Variants in STARD13 observed in about 807,000 individuals in gnomAD.
STARD13 encodes the protein stAR-related lipid transfer protein 13.
In STARD13, 62 loss-of-function variants were observed where a neutral mutation model predicts 106.4. The ratio of observed to expected loss-of-function variants is 0.58; its 90% CI spans 0.48 to 0.72. STARD13 has a LOEUF of 0.72. STARD13 is among the 30% of genes least tolerant of loss of function. STARD13 has a pLI of 0.00. For missense variants in STARD13, 1,387 were observed against 1,424.0 expected, an observed-to-expected ratio of 0.97 and a Z score of 0.42; for synonymous variants, 565 against 553.0, an observed-to-expected ratio of 1.02 and a Z score of -0.31.
chr13:33,548,276 T>C, the STARD13 span, among the ~76,000 whole-genome samples: 1 of 152,192 alleles, frequency 6.6e-6, no homozygotes, highest in African/African-American at 2.4e-5. Context: ...CATGGATGAC[T>C]GCTGAAAAAC....
At chr13:33,330,004 A>C (rs1222565809) in intron 1 of STARD13, among the ~76,000 whole-genome samples, 1 of 152,190 alleles carries the variant, frequency 6.6e-6, no homozygotes, top group African/African-American at 2.4e-5. Context: ...GCTCCTGGCC[A>C]AAATCACATT....
intron 1 of STARD13, among the ~76,000 whole-genome samples, chr13:33,282,890 A>C (rs1430440450): frequency 2.0e-5 from 3 of 152,064 alleles, no homozygotes; most frequent in Non-Finnish European, 4.4e-5. Context: ...TTAGCCAGGC[A>C]TGGTGGCACA....
At chr13:33,265,512 G>A (rs1890854055) in intron 1 of STARD13, among the ~76,000 whole-genome samples, 3 of 152,114 alleles carry the variant, frequency 2.0e-5, no homozygotes, top group African/African-American at 7.2e-5. Context: ...TAGTGTTTTG[G>A]TTTATTCACA....
the STARD13 span, among the ~76,000 whole-genome samples, chr13:33,625,250 C>T: frequency 1.3e-5 from 2 of 152,168 alleles, no homozygotes; most frequent in African/African-American, 2.4e-5. Context: ...CTGTCCTGAA[C>T]GAGAAGGGTG....
upstream of STARD13, among the ~76,000 whole-genome samples, chr13:33,351,760 CAG>C (rs1323351818): frequency 6.6e-6 from 1 of 152,140 alleles, no homozygotes; most frequent in East Asian, 1.9e-4. Context: ...AAAATTTAAT[CAG>C]ATATTCATTT....
intron 1 of STARD13, among the ~76,000 whole-genome samples, chr13:33,271,915 C>T (rs999903241): frequency 4.6e-5 from 7 of 152,240 alleles, no homozygotes; most frequent in Non-Finnish European, 7.4e-5. Flanking sequence ...TCAAGAATAA[C>T]GTGGGCTCCC....
At chr13:33,403,157 T>A in the STARD13 span, among the ~76,000 whole-genome samples, 1 of 152,306 alleles carries the variant, frequency 6.6e-6, no homozygotes, top group South Asian at 2.1e-4. Flanking sequence ...CCGGCTCCTG[T>A]ACCTGCCCAT....
the STARD13 span, among the ~76,000 whole-genome samples, chr13:33,370,872 C>T: frequency 1.3e-5 from 2 of 152,022 alleles, no homozygotes; most frequent in Non-Finnish European, 2.9e-5. Context: ...CCTCCCACCT[C>T]GGCCTCCCAA....
At chr13:33,183,287 A>G (rs1008585931) in intron 1 of STARD13, among the ~76,000 whole-genome samples, 1 of 152,212 alleles carries the variant, frequency 6.6e-6, no homozygotes, top group African/African-American at 2.4e-5. Flanking sequence ...GCATGTGCTC[A>G]AGACATGCTG....
chr13:33,629,179 C>T, the STARD13 span, among the ~76,000 whole-genome samples: 335 of 152,264 alleles, frequency 2.2e-3, 1 homozygote, highest in African/African-American at 7.4e-3. Flanking sequence ...ACGGGCCAAA[C>T]GCCATAGGAA....
intron 1 of STARD13, among the ~76,000 whole-genome samples, chr13:33,313,006 G>A (rs965325038): frequency 1.3e-5 from 2 of 152,282 alleles, no homozygotes; most frequent in South Asian, 4.1e-4. Flanking sequence ...CCTAGTTAGC[G>A]GAACTGAAGT....
chr13:33,481,424 A>G, the STARD13 span, among the ~76,000 whole-genome samples: 1 of 152,226 alleles, frequency 6.6e-6, no homozygotes, highest in African/African-American at 2.4e-5. Flanking sequence ...AGTTTTACCT[A>G]AAGATATTGA....
chr13:33,437,525 G>C, the STARD13 span, among the ~76,000 whole-genome samples: 3 of 152,182 alleles, frequency 2.0e-5, no homozygotes, highest in African/African-American at 7.2e-5. Context: ...AAGAAGCAAT[G>C]ATGGAAAGCC....
intron 4 of STARD13, among the ~76,000 whole-genome samples, chr13:33,141,083 A>G (rs1566019467): frequency 6.6e-6 from 1 of 151,884 alleles, no homozygotes; most frequent in Non-Finnish European, 1.5e-5. Flanking sequence ...TGATTCAAAG[A>G]TTTTTTTCTC....
chr13:33,675,043 A>G, the STARD13 span, among the ~76,000 whole-genome samples: 2 of 152,226 alleles, frequency 1.3e-5, no homozygotes, highest in African/African-American at 2.4e-5. Flanking sequence ...TCCTGGCTGC[A>G]TGAAGTAAAC....
chr13:33,331,911 C>A (rs979099553), intron 1 of STARD13, among the ~76,000 whole-genome samples: 1 of 152,102 alleles, frequency 6.6e-6, no homozygotes, highest in African/African-American at 2.4e-5. Flanking sequence ...ACGTAATTAG[C>A]AACTAAGTAT....
intron 3 of STARD13, among the ~76,000 whole-genome samples, chr13:33,157,864 T>C (rs969119826): frequency 2.0e-5 from 3 of 152,206 alleles, no homozygotes; most frequent in Non-Finnish European, 4.4e-5. Context: ...TTTTAACACC[T>C]TGGCTATCCC....
At chr13:33,572,180 T>C in the STARD13 span, among the ~76,000 whole-genome samples, 1 of 152,184 alleles carries the variant, frequency 6.6e-6, no homozygotes, top group East Asian at 1.9e-4. Flanking sequence ...TTACTTATAA[T>C]GCGTTAAATC....
At chr13:33,333,429 A>G (rs2077859986) in intron 1 of STARD13, among the ~76,000 whole-genome samples, 1 of 152,130 alleles carries the variant, frequency 6.6e-6, no homozygotes. Flanking sequence ...TGCCTTCTCC[A>G]TTTCCCTCCT....
Sources: gnomAD v4.1 joint callset for allele counts (sites outside exome capture counted in the v4.1 genomes callset) on GRCh38, gnomAD v4.1.1 for gene constraint, MANE v1.5 for transcripts, NCBI Gene and HGNC (gene_info 2026-07-23, HGNC 2026-07-21) for gene names.